ZFAT: variants seen among roughly 807,000 people sequenced by gnomAD.
The protein encoded by ZFAT is zinc finger protein ZFAT.
In ZFAT, 64 loss-of-function variants were observed where a neutral mutation model predicts 117.7. That is an observed-to-expected ratio of 0.54 (90% CI 0.44 to 0.67). The LOEUF (loss-of-function observed/expected upper bound fraction) is 0.67. ZFAT is among the 30% of genes least tolerant of loss of function. The pLI is 0.00. For synonymous variants in ZFAT, 679 were observed against 615.0 expected, an observed-to-expected ratio of 1.10 and a Z score of -1.54; for missense variants, 1,433 against 1,584.5, an observed-to-expected ratio of 0.90 and a Z score of 1.62.
intron 3 of ZFAT, among the ~76,000 whole-genome samples, chr8:134,615,250 G>A (rs962188577): frequency 1.3e-5 from 2 of 152,154 alleles, no homozygotes; most frequent in African/African-American, 4.8e-5. Flanking sequence ...GGAGTGGTGC[G>A]ATCTTGGCTG....
chr8:134,764,489 G>A, the ZFAT span, among the ~76,000 whole-genome samples: 36 of 152,268 alleles, frequency 2.4e-4, no homozygotes, highest in African/African-American at 8.4e-4. Context: ...GCTTAACTAT[G>A]CAAATACAGT....
chr8:134,613,095 A>C (rs556860731), intron 3 of ZFAT, among the ~76,000 whole-genome samples: 4 of 152,366 alleles, frequency 2.6e-5, no homozygotes, highest in Admixed American at 2.6e-4. Flanking sequence ...AGGTAGAAAC[A>C]ACATTTTACA....
intron 3 of ZFAT, among the ~76,000 whole-genome samples, chr8:134,615,015 C>T (rs534780864): frequency 1.3e-5 from 2 of 152,050 alleles, no homozygotes; most frequent in Non-Finnish European, 2.9e-5. Flanking sequence ...AAAGAAAAAC[C>T]TGGAAGAGAC....
chr8:134,750,013 C>A, the ZFAT span, among the ~76,000 whole-genome samples: 1 of 152,130 alleles, frequency 6.6e-6, no homozygotes, highest in Non-Finnish European at 1.5e-5. Context: ...TCAAATTCTA[C>A]AAAATAAAAT....
At chr8:134,538,796 C>CAAAAAA (rs35209102) in intron 11 of ZFAT, among the ~76,000 whole-genome samples, 4 of 105,084 alleles carry the variant, frequency 3.8e-5, no homozygotes, top group Non-Finnish European at 4.0e-5. Context: ...GACCCTGTCA[C>CAAAAAA]AAAAAAAAAA....
intron 9 of ZFAT, among the ~76,000 whole-genome samples, chr8:134,584,994 C>T (rs17769126): frequency 0.21 from 31,731 of 152,074 alleles, 3,455 homozygotes; most frequent in African/African-American, 0.24. Flanking sequence ...TTAGGGCCCA[C>T]GCAAAGCCCA....
chr8:134,607,785 T>A (rs1448053863), intron 5 of ZFAT, among the ~76,000 whole-genome samples: 4 of 152,220 alleles, frequency 2.6e-5, no homozygotes, highest in Non-Finnish European at 5.9e-5. Context: ...CCTCTGGGGA[T>A]CAGAGTTTGT....
At chr8:134,482,538 TA>T (rs1199723306) in intron 15 of ZFAT, among the ~76,000 whole-genome samples, 14 of 152,344 alleles carry the variant, frequency 9.2e-5, no homozygotes, top group African/African-American at 2.6e-4. Context: ...CCTCTCTCAT[TA>T]GTCCTCTAAA....
chr8:134,708,628 T>C (rs756604680), intron 1 of ZFAT, among the ~76,000 whole-genome samples: 10 of 152,132 alleles, frequency 6.6e-5, no homozygotes, highest in Admixed American at 3.9e-4. Context: ...GTCTATTTTG[T>C]TTTGCTCTGC....
At chr8:134,600,048 A>T in intron 7 of ZFAT, 1 of 357,302 alleles carries the variant, frequency 2.8e-6, no homozygotes, top group Non-Finnish European at 5.4e-6. Context: ...TCATCACTGT[A>T]CAGCATTATC....
At chr8:134,830,627 C>T in the ZFAT span, among the ~76,000 whole-genome samples, 2 of 152,236 alleles carry the variant, frequency 1.3e-5, no homozygotes, top group African/African-American at 4.8e-5. Context: ...AAAATTCTCT[C>T]TGGCATTTCC....
chr8:134,702,728 G>A (rs1834048071), intron 1 of ZFAT, among the ~76,000 whole-genome samples: 1 of 150,638 alleles, frequency 6.6e-6, no homozygotes, highest in Middle Eastern at 3.2e-3. Flanking sequence ...CTGGAGTACA[G>A]TGGCGCGATC....
At chr8:134,653,285 A>AAAAAC (rs1831381260) in intron 2 of ZFAT, among the ~76,000 whole-genome samples, 1 of 115,808 alleles carries the variant, frequency 8.6e-6, no homozygotes, top group Non-Finnish European at 1.8e-5. Flanking sequence ...AAAAAAAAAA[A>AAAAAC]AAAAAACAAA....
chr8:134,782,768 G>A, the ZFAT span, among the ~76,000 whole-genome samples: 1 of 151,986 alleles, frequency 6.6e-6, no homozygotes, highest in Admixed American at 6.6e-5. Context: ...GTGGAACTAT[G>A]AGTCCATTAA....
At chr8:134,628,455 G>A (rs1432474342) in intron 3 of ZFAT, among the ~76,000 whole-genome samples, 3 of 152,158 alleles carry the variant, frequency 2.0e-5, no homozygotes, top group African/African-American at 7.2e-5. Flanking sequence ...AGCAGTGGGT[G>A]TCACAAAGGG....
chr8:134,789,483 T>C, the ZFAT span, among the ~76,000 whole-genome samples: 1 of 152,240 alleles, frequency 6.6e-6, no homozygotes, highest in African/African-American at 2.4e-5. Flanking sequence ...AGTGTGTATG[T>C]ACTGAAGACA....
At chr8:134,590,188 C>T (rs1250870554) in intron 8 of ZFAT, 80 bp downstream of exon 8, 1 of 1,040,388 alleles carries the variant, frequency 9.6e-7, no homozygotes, top group East Asian at 2.4e-5. Flanking sequence ...CTATATAGTG[C>T]AGTTAATGTA....
chr8:134,643,619 G>A (rs1309659419), intron 2 of ZFAT, among the ~76,000 whole-genome samples: 2 of 152,212 alleles, frequency 1.3e-5, no homozygotes, highest in African/African-American at 4.8e-5. Flanking sequence ...GAGCCTCAAG[G>A]CTGTGGTGCA....
chr8:134,786,694 G>A, the ZFAT span, among the ~76,000 whole-genome samples: 2 of 151,968 alleles, frequency 1.3e-5, no homozygotes, highest in Non-Finnish European at 2.9e-5. Context: ...AACAGATTGA[G>A]ACTTATTTAC....
Sources: allele counts gnomAD v4.1 joint callset (sites outside exome capture counted in the v4.1 genomes callset), GRCh38; gene constraint gnomAD v4.1.1; transcripts MANE v1.5; gene names NCBI Gene and HGNC (gene_info 2026-07-23, HGNC 2026-07-21).